PLEKHS1: variants seen among roughly 807,000 people sequenced by gnomAD.
The protein encoded by PLEKHS1 is pleckstrin homology domain containing S1.
Under a neutral mutation model 51.0 loss-of-function variants are expected in PLEKHS1, and 55 were observed. The observed-to-expected ratio is 1.08, with a 90% CI of 0.87 to 1.35. The LOEUF (loss-of-function observed/expected upper bound fraction) is 1.35. Ranked by LOEUF, PLEKHS1 falls within the 40% of genes most tolerant of loss-of-function variation. The pLI, the probability that PLEKHS1 is intolerant of heterozygous loss-of-function variation, is 0.00. For synonymous variants in PLEKHS1, 153 were observed against 144.8 expected, an observed-to-expected ratio of 1.06 and a Z score of -0.41; for missense variants, 398 against 423.0, an observed-to-expected ratio of 0.94 and a Z score of 0.52.
At chr10:113,773,251 A>T (rs1182719564) in intron 8 of PLEKHS1, among the ~76,000 whole-genome samples, 4 of 152,164 alleles carry the variant, frequency 2.6e-5, no homozygotes, top group African/African-American at 9.7e-5. Context: ...TTGAGCACAG[A>T]GTTCTTCTTT....
At chr10:113,767,642 C>A (rs1844225599) in intron 5 of PLEKHS1, among the ~76,000 whole-genome samples, 163 bp downstream of exon 5, 1 of 152,196 alleles carries the variant, frequency 6.6e-6, no homozygotes, top group Non-Finnish European at 1.5e-5. Flanking sequence ...TGAAAAGTTA[C>A]TGAGCTAGTT....
chr10:113,780,837 G>T (rs966661977), exon 12 of PLEKHS1: 2 of 1,448,762 alleles, frequency 1.4e-6, no homozygotes, highest in Admixed American at 2.4e-5. Context: ...GTCCAGCTCT[G>T]CCCCCTGCTG....
chr10:113,758,296 T>C (rs1843764607), intron 2 of PLEKHS1, among the ~76,000 whole-genome samples: 1 of 152,240 alleles, frequency 6.6e-6, no homozygotes, highest in South Asian at 2.1e-4. Context: ...TTGAAATTAC[T>C]CCTTGATCTA....
chr10:113,780,701 C>T lies in PLEKHS1; in HGVS notation c.*99C>T, dbSNP rs147568090. 6.4e-4 allele frequency: 1,027 copies of T among 1,612,004 alleles called. 3 individuals carry two copies. The African/African-American group carries it at 0.012, about 19-fold the overall frequency. ...ATGCCAAAGTGCTGCACCTTCTCAG[C>T]TGGATAAGCCTAGACTGAACAGAGC... On this transcript the variant is annotated 3_prime_UTR_variant, in exon 12 of 12. Coordinates refer to ENST00000361048, the Ensembl canonical transcript of PLEKHS1.
chr10:113,760,884 A>G (rs1843892940), intron 2 of PLEKHS1, among the ~76,000 whole-genome samples: 1 of 152,174 alleles, frequency 6.6e-6, no homozygotes, highest in Non-Finnish European at 1.5e-5. Flanking sequence ...TACATTGTCA[A>G]ATCCAAGATT....
chr10:113,767,593 A>C, intron 5 of PLEKHS1, 114 bp downstream of exon 5: 3 of 1,011,652 alleles, frequency 3.0e-6, no homozygotes, highest in South Asian at 2.9e-5. Flanking sequence ...CAAACCTCAA[A>C]TGCCATCTTG....
chr10:113,773,597 G>A (rs1054359095), intron 8 of PLEKHS1, among the ~76,000 whole-genome samples: 3 of 152,158 alleles, frequency 2.0e-5, no homozygotes, highest in Admixed American at 6.5e-5. Flanking sequence ...AAGAGAGCAC[G>A]AACATGGCGA....
At chr10:113,774,108 G>A (rs1028449540) in intron 8 of PLEKHS1, 119 bp from the exon 9 acceptor site, 4 of 618,150 alleles carry the variant, frequency 6.5e-6, no homozygotes, top group East Asian at 3.2e-5. Context: ...TGAGAACCAC[G>A]TTCATCCACT....
intron 1 of PLEKHS1, 42 bp downstream of exon 1, chr10:113,751,803 G>A (rs1276719419): frequency 6.6e-6 from 1 of 152,130 alleles, no homozygotes; most frequent in East Asian, 1.9e-4. Flanking sequence ...TTCCAAGGCT[G>A]GGATGATCTA....
chr10:113,783,248 A>AAG (rs1844905554), downstream of PLEKHS1: 3 of 152,190 alleles, frequency 2.0e-5, no homozygotes, highest in Admixed American at 2.0e-4. Context: ...AAAAAAAAAA[A>AAG]AATCATGTGG....
intron 2 of PLEKHS1, among the ~76,000 whole-genome samples, chr10:113,756,333 C>T (rs919676610): frequency 4.6e-5 from 7 of 151,888 alleles, no homozygotes; most frequent in South Asian, 2.1e-4. Flanking sequence ...GGGCGTGGTG[C>T]GCCTGTAATC....
chr10:113,775,517 G>A (rs1844609421), intron 10 of PLEKHS1, among the ~76,000 whole-genome samples: 1 of 152,114 alleles, frequency 6.6e-6, no homozygotes, highest in African/African-American at 2.4e-5. Context: ...ATGCAGACTG[G>A]CCTGATGTGG....
intron 11 of PLEKHS1, among the ~76,000 whole-genome samples, chr10:113,778,501 G>A (rs1296556290): frequency 6.6e-6 from 1 of 152,076 alleles, no homozygotes. Context: ...TCTGCACTAC[G>A]TAATAATCCC....
chr10:113,765,062 C>G, intron 2 of PLEKHS1: 2 of 259,456 alleles, frequency 7.7e-6, no homozygotes, highest in Non-Finnish European at 7.3e-6. Flanking sequence ...GATTGATTGA[C>G]TTTCTTCTCA....
chr10:113,759,486 A>T (rs1843821634), intron 2 of PLEKHS1, among the ~76,000 whole-genome samples: 1 of 152,150 alleles, frequency 6.6e-6, no homozygotes, highest in South Asian at 2.1e-4. Context: ...TCTCACTGTA[A>T]GTTTGTTTGT....
At chr10:113,768,881 G>A in exon 6 of PLEKHS1, 2 of 1,612,468 alleles carry the variant, frequency 1.2e-6, no homozygotes, top group Non-Finnish European at 1.7e-6. Context: ...CAACACAGCA[G>A]AACACAGAGG....
At chr10:113,772,896 G>A (rs535167548) in intron 8 of PLEKHS1, among the ~76,000 whole-genome samples, 13 of 152,186 alleles carry the variant, frequency 8.5e-5, no homozygotes, top group Middle Eastern at 3.2e-3. Flanking sequence ...TAGGGGAAGC[G>A]ATGGCTTCTG....
At chr10:113,774,325 G>A in exon 9 of PLEKHS1, 1 of 1,566,740 alleles carries the variant, frequency 6.4e-7, no homozygotes, top group Non-Finnish European at 8.6e-7. Flanking sequence ...ATGAGCCAAT[G>A]GAATCCTAGT....
chr10:113,756,944 T>G lies in PLEKHS1; in HGVS notation c.28+1639T>G, dbSNP rs1483533472. On this transcript the variant is annotated intron_variant, in intron 2 of 11. Transcript: ENST00000361048. ...TTTTTTTTTTTTTTTTGAGACGGAG[T>G]CTCACTCTGTCGCTCAGGCTGGAGT... 8.9e-5 allele frequency among the ~76,000 whole-genome samples: 11 copies of G among 123,138 alleles called. No individual in the cohort carries two copies. In the Admixed American group the frequency reaches 1.2e-3, roughly 13 times the overall value. 80.8% of individuals were successfully genotyped at this position (123,138 alleles called of 152,430 possible).
Sources: gnomAD v4.1 joint callset for allele counts (sites outside exome capture counted in the v4.1 genomes callset) on GRCh38, gnomAD v4.1.1 for gene constraint, MANE v1.5 for transcripts, NCBI Gene and HGNC (gene_info 2026-07-23, HGNC 2026-07-21) for gene names.